The following BCKDHB variants were observed in gnomAD, a reference collection of about 807,000 sequenced individuals.
BCKDHB encodes branched chain keto acid dehydrogenase E1 subunit beta, also known as 2-oxoisovalerate dehydrogenase subunit beta, mitochondrial.
In BCKDHB, 41 loss-of-function variants were observed where a neutral mutation model predicts 48.5. The observed-to-expected ratio is 0.85, with a 90% CI of 0.66 to 1.10. The LOEUF is 1.10. Ranked by LOEUF, BCKDHB falls within the 50% of genes least tolerant of loss-of-function variation. The pLI, the probability that BCKDHB is intolerant of heterozygous loss-of-function variation, is 0.00. For synonymous variants in BCKDHB, 201 were observed against 174.8 expected (o/e 1.15, Z -1.18); for missense variants, 496 against 494.2 (o/e 1.00, Z -0.03).
At chr6:80,139,964 TTC>T (rs1314775564) in intron 3 of BCKDHB, among the ~76,000 whole-genome samples, 1 of 152,238 alleles carries the variant, frequency 6.6e-6, no homozygotes, top group East Asian at 1.9e-4. Context: ...TTTGTTTGTA[TTC>T]TCTTTTATTT....
At chr6:80,153,012 G>C (rs976351182) in intron 3 of BCKDHB, among the ~76,000 whole-genome samples, 1 of 152,148 alleles carries the variant, frequency 6.6e-6, no homozygotes, top group Non-Finnish European at 1.5e-5. Flanking sequence ...GGCCCCCTTG[G>C]TTGGGTTCAA....
chr6:80,274,840 T>C (rs1459311414), intron 9 of BCKDHB, among the ~76,000 whole-genome samples: 1 of 152,040 alleles, frequency 6.6e-6, no homozygotes, highest in East Asian at 1.9e-4. Flanking sequence ...CAGTGTCTCT[T>C]GGTCTTAAAT....
chr6:80,308,554 GA>G (rs76971500), intron 9 of BCKDHB, among the ~76,000 whole-genome samples: 4 of 148,838 alleles, frequency 2.7e-5, no homozygotes, highest in Admixed American at 6.7e-5. Flanking sequence ...ATTAAATGGG[GA>G]AAAAAAACCC....
At chr6:80,188,384 C>T (rs1773743213) in intron 6 of BCKDHB, among the ~76,000 whole-genome samples, 1 of 152,126 alleles carries the variant, frequency 6.6e-6, no homozygotes, top group African/African-American at 2.4e-5. Flanking sequence ...GGGTGAGGAT[C>T]AGAATAATAC....
chr6:80,321,143 G>A (rs899318343), intron 9 of BCKDHB, among the ~76,000 whole-genome samples: 6 of 152,148 alleles, frequency 3.9e-5, no homozygotes, highest in African/African-American at 1.2e-4. Context: ...TTCTCCCCAT[G>A]CAGCTGTTGT....
At chr6:80,295,913 G>GT (rs1200033700) in intron 9 of BCKDHB, among the ~76,000 whole-genome samples, 11 of 152,198 alleles carry the variant, frequency 7.2e-5, no homozygotes, top group African/African-American at 1.9e-4. Flanking sequence ...TGAGATTTGA[G>GT]TGGGGGCACA....
chr6:80,308,152 A>C (rs1348638537), intron 9 of BCKDHB, among the ~76,000 whole-genome samples: 1 of 151,910 alleles, frequency 6.6e-6, no homozygotes, highest in African/African-American at 2.4e-5. Context: ...ATTTTTTTTC[A>C]TTTCCCCCCT....
chr6:80,203,690 T>C (rs1186011205), intron 8 of BCKDHB, among the ~76,000 whole-genome samples: 1 of 152,140 alleles, frequency 6.6e-6, no homozygotes, highest in African/African-American at 2.4e-5. Context: ...GATTACAGTC[T>C]AAGGGTTATG....
rs1448039463 is a variant in BCKDHB, at chr6:80,344,275, G to C, written c.*471G>C. On this transcript the variant is annotated 3_prime_UTR_variant, in exon 10 of 10. Transcript: ENST00000320393. ...CTGCCTTAGCCTCCCAAAGTGCTGG[G>C]ATTACAGGCATGAGCCACTGCACCT... 1 of 214,694 alleles carries C rather than the reference G, an allele frequency of 4.7e-6. No individual in the cohort carries two copies. The highest frequency in any genetic ancestry group is 9.4e-6 in the Non-Finnish European group (1 of 106,784). The allele number at this position is 214,694 out of a possible 1,614,324, so 13.3% of individuals were successfully genotyped here.
chr6:80,374,501 A>G, the BCKDHB span: 2 of 743,336 alleles, frequency 2.7e-6, no homozygotes, highest in Non-Finnish European at 5.1e-6. Flanking sequence ...TAAGGTGAAT[A>G]CAAAGATTGG....
the BCKDHB span, among the ~76,000 whole-genome samples, chr6:80,386,313 A>G: frequency 2.0e-5 from 3 of 152,196 alleles, no homozygotes; most frequent in Admixed American, 2.0e-4. Flanking sequence ...AAATCAACCT[A>G]AGTGCCCATC....
intron 3 of BCKDHB, among the ~76,000 whole-genome samples, chr6:80,153,253 C>G (rs868530415): frequency 1.3e-5 from 2 of 152,042 alleles, no homozygotes; most frequent in African/African-American, 2.4e-5. Flanking sequence ...TCCTTGGTGC[C>G]CATTCATGGT....
chr6:80,146,290 A>T (rs1771485044), intron 3 of BCKDHB, among the ~76,000 whole-genome samples: 1 of 152,202 alleles, frequency 6.6e-6, no homozygotes, highest in Non-Finnish European at 1.5e-5. Flanking sequence ...ATGGAAGTAA[A>T]ATAACAGTGT....
At chr6:80,398,496 G>C in the BCKDHB span, among the ~76,000 whole-genome samples, 1 of 152,048 alleles carries the variant, frequency 6.6e-6, no homozygotes. Flanking sequence ...TAAATTGCTG[G>C]ACATATACAA....
intron 9 of BCKDHB, among the ~76,000 whole-genome samples, chr6:80,304,805 A>G (rs1029465770): frequency 6.6e-6 from 1 of 152,132 alleles, no homozygotes; most frequent in Non-Finnish European, 1.5e-5. Context: ...TGATTGACTA[A>G]AAAGAAAACT....
intron 3 of BCKDHB, among the ~76,000 whole-genome samples, chr6:80,164,973 A>G (rs529852910): frequency 1.1e-4 from 16 of 152,344 alleles, no homozygotes; most frequent in East Asian, 1.9e-4. Flanking sequence ...ACTTTTTGCT[A>G]CATCATAGAA....
the BCKDHB span, among the ~76,000 whole-genome samples, chr6:80,453,473 A>T: frequency 6.6e-6 from 1 of 152,226 alleles, no homozygotes; most frequent in African/African-American, 2.4e-5. Flanking sequence ...ATATAGGACC[A>T]CAATGTGAAA....
rs149204673 is a variant in BCKDHB at position 80,174,643 on chromosome 6, A to G, written c.742+3253A>G. Reference sequence around the variant, plus strand: ...AATGGAACATAGTCAAGTATAAGTAAGGATACAAAAAGAGGTAAGTGAATG... The same window carrying G: ...AATGGAACATAGTCAAGTATAAGTAGGGATACAAAAAGAGGTAAGTGAATG... On this transcript the variant is annotated intron_variant, in intron 6 of 9. Coordinates refer to ENST00000320393, the MANE Select transcript of BCKDHB (RefSeq NM_183050.4). Among the ~76,000 whole-genome samples the G allele has an allele frequency of 2.8e-3, 433 of 152,328 alleles. 2 individuals carry two copies. The highest frequency in any genetic ancestry group is 0.01 in the Middle Eastern group (3 of 294).
intron 9 of BCKDHB, among the ~76,000 whole-genome samples, chr6:80,277,699 C>G (rs1778024109): frequency 6.9e-6 from 1 of 145,154 alleles, no homozygotes; most frequent in South Asian, 2.1e-4. Flanking sequence ...AGCAATAAGT[C>G]TGCAATAAAG....
Sources: allele counts gnomAD v4.1 joint callset (sites outside exome capture counted in the v4.1 genomes callset), GRCh38; gene constraint gnomAD v4.1.1; transcripts MANE v1.5; gene names NCBI Gene and HGNC (gene_info 2026-07-23, HGNC 2026-07-21).